The following PLCB1 variants were observed in gnomAD, a reference collection of about 807,000 sequenced individuals.
PLCB1 encodes the protein 1-phosphatidylinositol 4,5-bisphosphate phosphodiesterase beta-1.
PLCB1 carries 46 observed loss-of-function variants against 161.8 expected under a neutral mutation model. The ratio of observed to expected loss-of-function variants is 0.28; its 90% CI spans 0.22 to 0.36. The LOEUF is 0.36. Among genes scored for constraint, PLCB1 ranks in the 10% least tolerant of loss-of-function variants. The pLI is 1.00. For missense variants in PLCB1, 1,016 were observed against 1,472.5 expected (o/e 0.69, Z 5.07); for synonymous variants, 517 against 503.7 (o/e 1.03, Z -0.35).
At chr20:8,359,675 T>A (rs887800959) in intron 2 of PLCB1, among the ~76,000 whole-genome samples, 1 of 152,214 alleles carries the variant, frequency 6.6e-6, no homozygotes, top group Non-Finnish European at 1.5e-5. Flanking sequence ...GTACTCACTA[T>A]ATTTTAAAAC....
At chr20:8,566,414 C>T (rs545347595) in intron 3 of PLCB1, among the ~76,000 whole-genome samples, 2 of 152,152 alleles carry the variant, frequency 1.3e-5, no homozygotes, top group South Asian at 2.1e-4. Context: ...CCTTCAAAGT[C>T]GAACAGAGCT....
intron 3 of PLCB1, among the ~76,000 whole-genome samples, chr20:8,389,664 A>G (rs1314615173): frequency 6.6e-6 from 1 of 152,216 alleles, no homozygotes; most frequent in African/African-American, 2.4e-5. Context: ...TTTAAACGCA[A>G]TAATGCGCCA....
intron 2 of PLCB1, among the ~76,000 whole-genome samples, chr20:8,226,527 C>G (rs1979693308): frequency 6.6e-6 from 1 of 152,092 alleles, no homozygotes; most frequent in East Asian, 1.9e-4. Flanking sequence ...GAAGAAGTTT[C>G]CAGGACCTCT....
intron 2 of PLCB1, among the ~76,000 whole-genome samples, chr20:8,234,869 G>A (rs981969915): frequency 6.6e-5 from 10 of 151,978 alleles, no homozygotes; most frequent in Admixed American, 2.0e-4. Flanking sequence ...ACTGTCACCC[G>A]GAATATAATG....
intron 3 of PLCB1, among the ~76,000 whole-genome samples, chr20:8,508,285 A>G (rs774964361): frequency 2.0e-5 from 3 of 152,220 alleles, no homozygotes; most frequent in Non-Finnish European, 4.4e-5. Flanking sequence ...ACTTCAATCC[A>G]ACTCAAGCAT....
rs962104017 is a variant in PLCB1 at position 8,442,986 on chromosome 20, G to GTT, written c.246+71546_246+71547dup. On this transcript the variant is annotated intron_variant, in intron 3 of 31. Transcript: ENST00000338037. ...TTGTGAGTTTCTTGTTTTTTTTTTT[G>GTT]TTTTTTTTTTTGAGATGGAGTCTCG... Among the ~76,000 whole-genome samples the GTT allele has an allele frequency of 2.3e-3, 311 of 137,940 alleles. 2 individuals carry two copies. The highest frequency in any genetic ancestry group is 7.6e-3 in the African/African-American group (284 of 37,512). The allele number at this position is 137,940 out of a possible 152,430, so 90.5% of individuals were successfully genotyped here.
chr20:8,386,404 A>T (rs1987427914), intron 3 of PLCB1, among the ~76,000 whole-genome samples: 1 of 152,196 alleles, frequency 6.6e-6, no homozygotes, highest in East Asian at 1.9e-4. Flanking sequence ...GGCCAGGTGC[A>T]TTGTCAATGA....
intron 3 of PLCB1, among the ~76,000 whole-genome samples, chr20:8,619,486 T>C (rs1988121443): frequency 6.6e-6 from 1 of 152,176 alleles, no homozygotes; most frequent in Non-Finnish European, 1.5e-5. Context: ...CTGCATTTTT[T>C]CATAGCATTC....
intron 31 of PLCB1, among the ~76,000 whole-genome samples, chr20:8,869,753 G>C (rs1217584580): frequency 6.6e-6 from 1 of 152,166 alleles, no homozygotes; most frequent in Non-Finnish European, 1.5e-5. Context: ...AGCTTAGCTG[G>C]ACTTGTTCAT....
chr20:8,666,041 G>T (rs985882121), intron 9 of PLCB1, among the ~76,000 whole-genome samples: 1 of 152,104 alleles, frequency 6.6e-6, no homozygotes, highest in South Asian at 2.1e-4. Context: ...CCACAGCCAG[G>T]CTACAATTCC....
In PLCB1 at chr20:8,396,056, T is replaced by C. The variant is rs753091003; in HGVS notation, c.246+24606T>C. 5.9e-5 allele frequency among the ~76,000 whole-genome samples: 9 copies of C among 152,086 alleles called. No homozygotes were observed. In the South Asian group the frequency reaches 1.0e-3, roughly 17 times the overall value. On this transcript the variant is annotated intron_variant, in intron 3 of 31. Coordinates refer to ENST00000338037, the MANE Select transcript of PLCB1 (RefSeq NM_015192.4). ...TAATATTCATGCCCTGTTTAGATTG[T>C]AAACAGAGAAACTACAAAGTTGTAA...
At chr20:8,384,621 C>G (rs1987367004) in intron 3 of PLCB1, among the ~76,000 whole-genome samples, 1 of 152,000 alleles carries the variant, frequency 6.6e-6, no homozygotes. Context: ...TTTGGGTTTT[C>G]AGTGTTTTTT....
intron 3 of PLCB1, among the ~76,000 whole-genome samples, chr20:8,448,138 G>A (rs1411543637): frequency 2.0e-5 from 3 of 152,188 alleles, no homozygotes; most frequent in Admixed American, 6.5e-5. Context: ...TTGAGTAGGC[G>A]CTTACTAGCT....
intron 3 of PLCB1, among the ~76,000 whole-genome samples, chr20:8,414,990 C>T (rs904669609): frequency 3.3e-4 from 50 of 152,042 alleles, no homozygotes; most frequent in African/African-American, 1.1e-3. Flanking sequence ...AGGCCCTGCC[C>T]TAGAGCAATG....
intron 2 of PLCB1, among the ~76,000 whole-genome samples, chr20:8,320,964 A>G (rs907705478): frequency 1.3e-5 from 2 of 151,694 alleles, no homozygotes; most frequent in African/African-American, 4.8e-5. Context: ...GAAAAGAAAG[A>G]AAGGGAAAAT....
chr20:8,510,291 C>T (rs1240414931), intron 3 of PLCB1, among the ~76,000 whole-genome samples: 1 of 151,988 alleles, frequency 6.6e-6, no homozygotes, highest in Non-Finnish European at 1.5e-5. Context: ...TGAAATTTTC[C>T]ATAAGCTAAA....
At chr20:8,263,383 C>CATTA (rs1981805491) in intron 2 of PLCB1, among the ~76,000 whole-genome samples, 1 of 152,168 alleles carries the variant, frequency 6.6e-6, no homozygotes, top group African/African-American at 2.4e-5. Context: ...CAGATTGTGA[C>CATTA]ATTAAACATC....
chr20:8,568,883 C>A (rs1389470646), intron 3 of PLCB1, among the ~76,000 whole-genome samples: 1 of 152,132 alleles, frequency 6.6e-6, no homozygotes, highest in Non-Finnish European at 1.5e-5. Flanking sequence ...GAAGGAAAGG[C>A]AGCAAGGCAG....
intron 3 of PLCB1, among the ~76,000 whole-genome samples, chr20:8,416,850 G>A (rs747794329): frequency 6.6e-6 from 1 of 150,676 alleles, no homozygotes; most frequent in African/African-American, 2.4e-5. Flanking sequence ...CAAATGGCAG[G>A]GAAGAATGTG....
Sources: allele counts gnomAD v4.1 joint callset (sites outside exome capture counted in the v4.1 genomes callset), GRCh38; gene constraint gnomAD v4.1.1; transcripts MANE v1.5; gene names NCBI Gene and HGNC (gene_info 2026-07-23, HGNC 2026-07-21).